Variants in MCUB observed in about 807,000 individuals in gnomAD.
MCUB encodes mitochondrial calcium uniporter dominant negative subunit beta, also known as calcium uniporter regulatory subunit MCUb, mitochondrial.
A neutral mutation model predicts 41.4 loss-of-function variants in MCUB; 46 were observed. That is an observed-to-expected ratio of 1.11 (90% CI 0.88 to 1.42). The LOEUF (loss-of-function observed/expected upper bound fraction) is 1.42, where lower values mean the gene tolerates loss of function less well. Among genes scored for constraint, MCUB ranks in the 40% most tolerant of loss-of-function variants. The pLI is 0.00. For missense variants in MCUB, 403 were observed against 404.9 expected (o/e 1.00, Z 0.04); for synonymous variants, 148 against 148.2 (o/e 1.00, Z 0.01).
rs561317305 is a variant in MCUB at position 109,665,494 on chromosome 4, A to G, written c.451+1100A>G. Among the ~76,000 whole-genome samples, 13 of 152,256 alleles carry G rather than the reference A, an allele frequency of 8.5e-5. No homozygotes were observed. The East Asian group carries it at 2.5e-3, about 29-fold the overall frequency. ...GAATAGGGCCAGGCAAACTCTACCA[A>G]ACTCTACCAAAATTCAAGGATGCTC... is the stretch of plus-strand genomic sequence containing the variant. On this transcript the variant is annotated intron_variant, in intron 4 of 7. Coordinates refer to ENST00000394650, the MANE Select transcript of MCUB (RefSeq NM_017918.5).
chr4:109,651,456 A>G (rs1579083752), intron 1 of MCUB, among the ~76,000 whole-genome samples: 1 of 152,230 alleles, frequency 6.6e-6, no homozygotes, highest in East Asian at 1.9e-4. Context: ...CAAGAGCTAG[A>G]TGCTAGATGT....
At chr4:109,686,420 T>A (rs1729837757) in intron 7 of MCUB, among the ~76,000 whole-genome samples, 1 of 152,228 alleles carries the variant, frequency 6.6e-6, no homozygotes. Context: ...ATTACAGGTG[T>A]GAGCCACCAT....
chr4:109,637,718 A>C (rs1031476599), intron 1 of MCUB, among the ~76,000 whole-genome samples: 3 of 152,218 alleles, frequency 2.0e-5, no homozygotes, highest in Non-Finnish European at 4.4e-5. Context: ...CAAAGGCGTA[A>C]GAATGATACA....
intron 1 of MCUB, among the ~76,000 whole-genome samples, chr4:109,639,131 AC>A (rs1322929053): frequency 6.6e-6 from 1 of 152,204 alleles, no homozygotes. Flanking sequence ...GTCTCAATGT[AC>A]TTTGCCAAGA....
chr4:109,606,530 A>AT (rs900774979), intron 1 of MCUB, among the ~76,000 whole-genome samples: 8 of 150,270 alleles, frequency 5.3e-5, no homozygotes, highest in Non-Finnish European at 8.9e-5. Context: ...ATTCTTGTGT[A>AT]TTTTTTTTAT....
At chr4:109,667,787 A>C (rs935859553) in intron 4 of MCUB, among the ~76,000 whole-genome samples, 1 of 151,126 alleles carries the variant, frequency 6.6e-6, no homozygotes, top group African/African-American at 2.4e-5. Context: ...TATGTATTCA[A>C]TCCTATAGAT....
intron 1 of MCUB, among the ~76,000 whole-genome samples, chr4:109,644,157 T>C (rs190400331): frequency 7.2e-5 from 11 of 152,350 alleles, no homozygotes; most frequent in Admixed American, 4.6e-4. Flanking sequence ...TATGTGTGTA[T>C]GTTAGTATAG....
chr4:109,612,877 C>G (rs570200707), intron 1 of MCUB, among the ~76,000 whole-genome samples: 2 of 152,082 alleles, frequency 1.3e-5, no homozygotes, highest in East Asian at 3.9e-4. Flanking sequence ...GAGGCCAAGG[C>G]GGGCGGATCA....
At chr4:109,678,317 G>A (rs190833347) in intron 4 of MCUB, among the ~76,000 whole-genome samples, 378 of 152,224 alleles carry the variant, frequency 2.5e-3, no homozygotes, top group African/African-American at 8.5e-3. Flanking sequence ...GCCTGTTCTC[G>A]ATGGTCGCTG....
intron 1 of MCUB, among the ~76,000 whole-genome samples, chr4:109,611,229 C>T (rs1728001660): frequency 6.6e-6 from 1 of 152,180 alleles, no homozygotes; most frequent in African/African-American, 2.4e-5. Context: ...GTCTAGGCTT[C>T]TGTAAATACC....
At chr4:109,595,091 A>G (rs1311298869) in intron 1 of MCUB, among the ~76,000 whole-genome samples, 1 of 151,894 alleles carries the variant, frequency 6.6e-6, no homozygotes, top group Admixed American at 6.6e-5. Flanking sequence ...GAAAATATAA[A>G]TGCAAACATA....
At chr4:109,613,782 GTATT>G (rs1393238147) in intron 1 of MCUB, among the ~76,000 whole-genome samples, 2 of 152,070 alleles carry the variant, frequency 1.3e-5, no homozygotes, top group African/African-American at 4.8e-5. Flanking sequence ...AAAAATTAAA[GTATT>G]TATTGAGATA....
At chr4:109,608,412 T>C (rs1727927543) in intron 1 of MCUB, among the ~76,000 whole-genome samples, 1 of 152,212 alleles carries the variant, frequency 6.6e-6, no homozygotes, top group Admixed American at 6.5e-5. Flanking sequence ...TTAGTTCGTT[T>C]GGTGAGGTCA....
intron 3 of MCUB, among the ~76,000 whole-genome samples, chr4:109,660,588 A>G (rs1392165643): frequency 6.6e-6 from 1 of 152,116 alleles, no homozygotes; most frequent in African/African-American, 2.4e-5. Flanking sequence ...AGGCCGAGTC[A>G]GGCGGATCAC....
chr4:109,679,769 C>T (rs1419350724), intron 4 of MCUB, among the ~76,000 whole-genome samples: 1 of 151,950 alleles, frequency 6.6e-6, no homozygotes, highest in African/African-American at 2.4e-5. Flanking sequence ...AACTTTCTCT[C>T]CCGCTTTGAG....
intron 1 of MCUB, among the ~76,000 whole-genome samples, chr4:109,638,642 A>G (rs961488991): frequency 6.6e-6 from 1 of 152,164 alleles, no homozygotes; most frequent in African/African-American, 2.4e-5. Context: ...TATTCCTTTT[A>G]TGATCGATTC....
At chr4:109,622,718 C>G (rs1329644828) in intron 1 of MCUB, among the ~76,000 whole-genome samples, 1 of 152,314 alleles carries the variant, frequency 6.6e-6, no homozygotes, top group East Asian at 1.9e-4. Context: ...CCATCATACA[C>G]CTTATCACAT....
chr4:109,606,005 C>A (rs1005524978), intron 1 of MCUB, among the ~76,000 whole-genome samples: 2 of 151,882 alleles, frequency 1.3e-5, no homozygotes, highest in East Asian at 1.9e-4. Flanking sequence ...GACAGACTCT[C>A]GCTCTGTTGC....
intron 1 of MCUB, among the ~76,000 whole-genome samples, chr4:109,609,093 G>C (rs1397263911): frequency 3.3e-5 from 5 of 152,092 alleles, no homozygotes; most frequent in South Asian, 2.1e-4. Flanking sequence ...GTGCTGAGCT[G>C]CCTGGAGCTG....
Sources: allele counts gnomAD v4.1 joint callset (sites outside exome capture counted in the v4.1 genomes callset), GRCh38; gene constraint gnomAD v4.1.1; transcripts MANE v1.5; gene names NCBI Gene and HGNC (gene_info 2026-07-23, HGNC 2026-07-21).